CNOT1: variants seen among roughly 807,000 people sequenced by gnomAD.
The protein encoded by CNOT1 is CCR4-associated factor 1.
A neutral mutation model predicts 273.8 loss-of-function variants in CNOT1; 15 were observed. The observed-to-expected ratio is 0.05, with a 90% CI of 0.04 to 0.08. The LOEUF (loss-of-function observed/expected upper bound fraction) is 0.08. CNOT1 is among the 10% of genes least tolerant of loss of function. The probability of loss-of-function intolerance (pLI) is 1.00; values close to 1 mark genes in which losing one functional copy is unlikely to be tolerated. For synonymous variants in CNOT1, 1,022 were observed against 1,005.5 expected (o/e 1.02, Z -0.31); for missense variants, 1,644 against 2,912.2 (o/e 0.56, Z 10.02).
intron 30 of CNOT1, among the ~76,000 whole-genome samples, chr16:58,544,771 G>A: frequency 6.6e-6 from 1 of 152,070 alleles, no homozygotes; most frequent in East Asian, 1.9e-4. Context: ...TAGAATAAAA[G>A]ACTAAAGATA....
intron 1 of CNOT1, among the ~76,000 whole-genome samples, chr16:58,610,183 C>A (rs1291217697): frequency 6.6e-6 from 1 of 152,200 alleles, no homozygotes; most frequent in Non-Finnish European, 1.5e-5. Context: ...TTCAGGAGGC[C>A]GAGGTGGGTG....
Position 58,530,234 on chromosome 16 carries a change from C to T in CNOT1, c.6279+12G>A. The T allele has an allele frequency of 1.3e-6, 2 of 1,560,044 alleles. No homozygotes were observed. The highest frequency in any genetic ancestry group is 1.7e-4 in the Middle Eastern group (1 of 5,872). ...CAGTTATTTTAATTTATAATAAATC[C>T]AAGTTAATTACCTTGTAGAGGATTT... On this transcript the variant is annotated intron_variant, in intron 43 of 48. Coordinates refer to ENST00000317147, the MANE Select transcript of CNOT1 (RefSeq NM_016284.5).
At chr16:58,525,834 G>A (rs2039564572) in intron 45 of CNOT1, among the ~76,000 whole-genome samples, 155 bp downstream of exon 45, 1 of 152,140 alleles carries the variant, frequency 6.6e-6, no homozygotes, top group Non-Finnish European at 1.5e-5. Flanking sequence ...CTGATTAAAT[G>A]AACTAGTAAA....
At chr16:58,597,671 T>C in intron 2 of CNOT1, 1 of 495,724 alleles carries the variant, frequency 2.0e-6, no homozygotes, top group Non-Finnish European at 4.1e-6. Context: ...GCAGGAACCA[T>C]ACAAGGACTC....
In CNOT1 at chr16:58,551,630, C is replaced by T. The variant is rs761588278; in HGVS notation, c.3160G>A (p.Val1054Ile). The T allele has an allele frequency of 2.5e-6, 4 of 1,614,166 alleles. No individual in the cohort carries two copies. In the African/African-American group the frequency reaches 4.0e-5, roughly 16 times the overall value. The change falls in exon 23 of 49, where the codon GTC becomes ATC. Residue 1054 changes from valine to isoleucine, a missense_variant. Val to Ile is a conservative substitution (Grantham distance 29, BLOSUM62 3). Transcript: ENST00000317147. ...AAGCTGACTCCAGTTGGCCTGGTGA[C>T]CGTAACCGTTTTAGCAACAGTGGTA... ...TTTTVAKTVT[V>I]TRPTGVSFKK...
At chr16:58,530,436 T>A in intron 42 of CNOT1, 89 bp from the exon 43 acceptor site, 1 of 812,394 alleles carries the variant, frequency 1.2e-6, no homozygotes. Flanking sequence ...CTGACTTATC[T>A]TCTTCATGCT....
intron 16 of CNOT1, among the ~76,000 whole-genome samples, chr16:58,562,577 A>G (rs1314706057): frequency 6.6e-6 from 1 of 151,964 alleles, no homozygotes; most frequent in East Asian, 1.9e-4. Context: ...TAATCCCAGC[A>G]CTTCGGGAGA....
intron 8 of CNOT1, among the ~76,000 whole-genome samples, chr16:58,584,917 G>GC (rs1373385893): frequency 6.0e-4 from 92 of 152,162 alleles, no homozygotes; most frequent in African/African-American, 2.0e-3. Flanking sequence ...AGAAAAATAC[G>GC]CAAGAGGCAG....
chr16:58,533,298 G>A (rs969846323), intron 40 of CNOT1: 1 of 152,588 alleles, frequency 6.6e-6, no homozygotes, highest in Admixed American at 6.5e-5. Flanking sequence ...AGCACTTTGG[G>A]AAGTCGAGGC....
chr16:58,596,635 C>G (rs1036732259), intron 2 of CNOT1, among the ~76,000 whole-genome samples: 2 of 152,014 alleles, frequency 1.3e-5, no homozygotes, highest in Non-Finnish European at 2.9e-5. Flanking sequence ...TGCCTGTAAT[C>G]CCAGCACTTT....
intron 38 of CNOT1, among the ~76,000 whole-genome samples, chr16:58,537,465 A>G (rs2039961727): frequency 6.6e-6 from 1 of 152,214 alleles, no homozygotes; most frequent in Non-Finnish European, 1.5e-5. Flanking sequence ...TTTAAATGAA[A>G]CTGATGTTCA....
chr16:58,625,704 C>A (rs1233406849), intron 1 of CNOT1, among the ~76,000 whole-genome samples: 2 of 150,644 alleles, frequency 1.3e-5, no homozygotes, highest in Non-Finnish European at 1.5e-5. Flanking sequence ...AGAAAAAAAA[C>A]AATTTTTGAC....
intron 11 of CNOT1, 42 bp downstream of exon 11, chr16:58,581,303 A>G: frequency 6.4e-7 from 1 of 1,561,622 alleles, no homozygotes; most frequent in Non-Finnish European, 8.6e-7. Flanking sequence ...AGAATAAGTC[A>G]TGTTTTATTC....
intron 24 of CNOT1, among the ~76,000 whole-genome samples, chr16:58,550,888 A>AAATGAAACTT (rs1001579495): frequency 6.6e-6 from 1 of 152,342 alleles, no homozygotes; most frequent in South Asian, 2.1e-4. Flanking sequence ...TGACTAGTAC[A>AAATGAAACTT]AATGAAACTT....
intron 2 of CNOT1, chr16:58,597,812 A>ACC: frequency 2.2e-6 from 1 of 448,156 alleles, no homozygotes; most frequent in Non-Finnish European, 4.3e-6. Flanking sequence ...CCAAAAGACA[A>ACC]CCCATGTGAA....
intron 20 of CNOT1, 33 bp downstream of exon 20, chr16:58,555,751 A>G (rs747221830): frequency 9.3e-6 from 15 of 1,612,402 alleles, no homozygotes; most frequent in African/African-American, 1.3e-5. Context: ...ACTGGCCTAA[A>G]CAATAAATAA....
At chr16:58,588,730 A>G (rs1293588787) in intron 3 of CNOT1, 69 bp downstream of exon 3, 1 of 1,559,772 alleles carries the variant, frequency 6.4e-7, no homozygotes, top group African/African-American at 1.4e-5. Flanking sequence ...CATATGCTAC[A>G]TACACTATGC....
chr16:58,566,042 A>G (rs1053199632), intron 16 of CNOT1, among the ~76,000 whole-genome samples: 1 of 152,202 alleles, frequency 6.6e-6, no homozygotes, highest in Non-Finnish European at 1.5e-5. Context: ...CTTACAGAAT[A>G]AATTACCTTG....
chr16:58,551,928 ATC>A (rs1476684789), intron 22 of CNOT1, 109 bp from the exon 23 acceptor site: 1 of 1,411,464 alleles, frequency 7.1e-7, no homozygotes, highest in Non-Finnish European at 9.7e-7. Flanking sequence ...CTTTTGGTTC[ATC>A]TAGCTCACAT....
Sources: allele counts gnomAD v4.1 joint callset (sites outside exome capture counted in the v4.1 genomes callset), GRCh38; gene constraint gnomAD v4.1.1; transcripts MANE v1.5; gene names NCBI Gene and HGNC (gene_info 2026-07-23, HGNC 2026-07-21).